PRCP: variants seen among roughly 807,000 people sequenced by gnomAD.
PRCP encodes the protein lysosomal Pro-X carboxypeptidase.
In PRCP, 46 loss-of-function variants were observed where a neutral mutation model predicts 54.2. That is an observed-to-expected ratio of 0.85 (90% CI 0.67 to 1.09). The LOEUF is 1.09. Ranked by LOEUF, PRCP falls within the 50% of genes least tolerant of loss-of-function variation. The pLI is 0.00. For synonymous variants in PRCP, 240 were observed against 212.2 expected, an observed-to-expected ratio of 1.13 and a Z score of -1.14; for missense variants, 613 against 596.8, an observed-to-expected ratio of 1.03 and a Z score of -0.28.
intron 1 of PRCP, 138 bp from the exon 2 acceptor site, chr11:82,860,255 T>A (rs1271641408): frequency 2.1e-6 from 1 of 468,020 alleles, no homozygotes. Context: ...CACTGTTTTA[T>A]TATTAATAGT....
In PRCP at chr11:82,850,500, G is replaced by C; in HGVS notation, c.417C>G (p.Ser139=). 6.4e-7 allele frequency: 1 copy of C among 1,559,514 alleles called. No homozygotes were observed. The highest frequency in any genetic ancestry group is 1.4e-5 in the African/African-American group (1 of 72,906). Residue 139 remains serine (S), a synonymous_variant, in exon 4 of 9, where the codon TCC becomes TCG. Coordinates refer to ENST00000313010, the MANE Select transcript of PRCP (RefSeq NM_005040.4). ...LPFGDNSFKD[S]RHLNFLTSEQ... is the part of the protein sequence containing the mutation. ...CTGATGTCAGGAAATTCAAGTGTCTGGAATCCTAAAGAAATATAACAAAGA... is the reference window on the plus strand; with the variant it reads ...CTGATGTCAGGAAATTCAAGTGTCTCGAATCCTAAAGAAATATAACAAAGA...
At chr11:82,890,020 T>C (rs1356938535) in intron 1 of PRCP, among the ~76,000 whole-genome samples, 1 of 151,568 alleles carries the variant, frequency 6.6e-6, no homozygotes, top group Non-Finnish European at 1.5e-5. Flanking sequence ...TTGCATGCAA[T>C]TCTCACTACC....
At chr11:82,844,704 G>C (rs550317912) in intron 6 of PRCP, among the ~76,000 whole-genome samples, 1 of 136,766 alleles carries the variant, frequency 7.3e-6, no homozygotes, top group Admixed American at 8.1e-5. Context: ...TTGCACTCCA[G>C]CCTGGGAGAC....
intron 1 of PRCP, among the ~76,000 whole-genome samples, chr11:82,896,353 CT>C (rs1269095081): frequency 6.6e-6 from 1 of 152,086 alleles, no homozygotes; most frequent in African/African-American, 2.4e-5. Flanking sequence ...AATCAGTGGA[CT>C]TTACCCTCCA....
At position 82,882,795 on chromosome 11, in the gene PRCP, G is replaced by A. The variant is rs140105769; in HGVS notation, c.168+17440C>T. Among the ~76,000 whole-genome samples the A allele has an allele frequency of 8.9e-3, 1,356 of 151,814 alleles. 54 individuals carry two copies. Among genetic ancestry groups the A allele is most frequent in the African/African-American group, 0.031 (1,265 of 41,320 alleles). On this transcript the variant is annotated intron_variant, in intron 1 of 8. Transcript: ENST00000313010. ...CAGGCGTGAGCCACCGCGCCCGGCC[G>A]AGCCAGTTCTTAAAATACTGAAATA...
At chr11:82,858,473 T>C (rs1318719910) in intron 2 of PRCP, 2 of 152,274 alleles carry the variant, frequency 1.3e-5, no homozygotes, top group South Asian at 2.1e-4. Context: ...TGCTCTTCTA[T>C]GATCTGCCTC....
rs1177617876 is a variant in PRCP at position 82,900,299 on chromosome 11, G to T, written c.104C>A (p.Pro35Gln). The T allele has an allele frequency of 6.2e-7, 1 of 1,614,254 alleles. No homozygotes were observed. The highest frequency in any genetic ancestry group is 1.1e-5 in the South Asian group (1 of 91,086). The change falls in exon 1 of 9, where the codon CCA becomes CAA. Residue 35 changes from proline to glutamine, a missense_variant. Physicochemically the swap from Pro to Gln is moderately conservative, Grantham distance 76. Transcript: ENST00000313010. Reference sequence around the variant, plus strand: ...AGCCGGGAGGGATGTGGGGTTGGTTGGCAAGTGTAGGCTGCCGAGGGCCCT... The same window carrying T: ...AGCCGGGAGGGATGTGGGGTTGGTTTGCAAGTGTAGGCTGCCGAGGGCCCT... ...ALRALGSLHL[P>Q]TNPTSLPAVA...
At chr11:82,881,524 A>G (rs1859749982) in intron 1 of PRCP, among the ~76,000 whole-genome samples, 1 of 152,158 alleles carries the variant, frequency 6.6e-6, no homozygotes, top group African/African-American at 2.4e-5. Context: ...GCAGGGCCCT[A>G]TAAAGCCTGG....
At chr11:82,889,653 T>C (rs575442106) in intron 1 of PRCP, among the ~76,000 whole-genome samples, 40 of 151,786 alleles carry the variant, frequency 2.6e-4, no homozygotes, top group Middle Eastern at 3.4e-3. Context: ...ATAAAAGAGG[T>C]AAGGCCCATG....
In PRCP at chr11:82,851,695, G is replaced by A. The variant is rs565213194; in HGVS notation, c.412-1190C>T. Reference sequence around the variant, plus strand: ...TTGAAGTACATCTTTACTAGACAACGAATACAGCTACATACCTCTATTAGG... The same window carrying A: ...TTGAAGTACATCTTTACTAGACAACAAATACAGCTACATACCTCTATTAGG... On this transcript the variant is annotated intron_variant, in intron 3 of 8. Transcript: ENST00000313010. Among the ~76,000 whole-genome samples, 5 of 152,070 alleles carry A rather than the reference G, an allele frequency of 3.3e-5. No individual in the cohort carries two copies. In the East Asian group the frequency reaches 7.7e-4, roughly 24 times the overall value.
At position 82,853,369 on chromosome 11, in the gene PRCP, G is replaced by A; in HGVS notation, c.310-91C>T. 5.0e-6 allele frequency: 5 copies of A among 992,996 alleles called. No homozygotes were observed. The South Asian group carries it at 7.4e-5, about 15-fold the overall frequency. 61.5% of individuals were successfully genotyped at this position (992,996 alleles called of 1,614,324 possible). A position where few individuals can be genotyped will look rare whatever the true frequency, so the allele number is the denominator to read the frequency against. On this transcript the variant is annotated intron_variant, in intron 2 of 8. Transcript: ENST00000313010. ...GCAAACCATATGGAATAGATGTTAAGCCAGAACAAAAAGAGCACTCTACAA... is the reference window on the plus strand; with the variant it reads ...GCAAACCATATGGAATAGATGTTAAACCAGAACAAAAAGAGCACTCTACAA...
At chr11:82,829,937 C>T (rs1335305650) in intron 8 of PRCP, 1 of 152,144 alleles carries the variant, frequency 6.6e-6, no homozygotes, top group Non-Finnish European at 1.5e-5. Flanking sequence ...AAGAGATTAA[C>T]CTTCAGCTGT....
At chr11:82,864,784 C>T (rs1178129120) in intron 1 of PRCP, among the ~76,000 whole-genome samples, 1 of 151,864 alleles carries the variant, frequency 6.6e-6, no homozygotes, top group East Asian at 1.9e-4. Flanking sequence ...CCCCACTTTA[C>T]CATGTGGAGG....
chr11:82,872,233 C>T (rs753316551), intron 1 of PRCP, among the ~76,000 whole-genome samples: 1 of 152,170 alleles, frequency 6.6e-6, no homozygotes, highest in Non-Finnish European at 1.5e-5. Flanking sequence ...ACGTATCCCC[C>T]GCGAAGAAGG....
At chr11:82,899,372 A>T (rs188406173) in intron 1 of PRCP, among the ~76,000 whole-genome samples, 10 of 152,344 alleles carry the variant, frequency 6.6e-5, no homozygotes, top group Non-Finnish European at 1.3e-4. Flanking sequence ...AAGGTCACAG[A>T]GCTAGCAGGG....
chr11:82,900,433 G>C, upstream of PRCP: 1 of 1,607,764 alleles, frequency 6.2e-7, no homozygotes, highest in South Asian at 1.1e-5. Flanking sequence ...GTGCGGGTGG[G>C]AGGGCGAAAA....
chr11:82,824,986 G>A lies in PRCP; in HGVS notation c.1411C>T (p.Leu471=). Residue 471 remains leucine (L), a synonymous_variant, in exon 9 of 9, where the codon CTG becomes TTG. Coordinates refer to ENST00000313010, the MANE Select transcript of PRCP (RefSeq NM_005040.4). ...CTAACTTCCAAGGAGCGGGCTAACA[G>A]CACAGACATAGGATCCAAGGCATTC... ...TKNALDPMSV[L]LARSLEVRHM... The A allele has an allele frequency of 6.2e-7, 1 of 1,614,104 alleles. No homozygotes were observed. The highest frequency in any genetic ancestry group is 8.5e-7 in the Non-Finnish European group (1 of 1,179,996).
chr11:82,842,318 G>C (rs999049965), intron 6 of PRCP, among the ~76,000 whole-genome samples: 1 of 152,192 alleles, frequency 6.6e-6, no homozygotes, highest in Non-Finnish European at 1.5e-5. Context: ...GTTACACAGA[G>C]AGAACATCAT....
chr11:82,862,055 AT>A (rs1194780756), intron 1 of PRCP, among the ~76,000 whole-genome samples: 1 of 151,724 alleles, frequency 6.6e-6, no homozygotes. Context: ...GTCAGTAACC[AT>A]AATATGACTA....
Sources: gnomAD v4.1 joint callset for allele counts (sites outside exome capture counted in the v4.1 genomes callset) on GRCh38, gnomAD v4.1.1 for gene constraint, MANE v1.5 for transcripts, NCBI Gene and HGNC (gene_info 2026-07-23, HGNC 2026-07-21) for gene names.